RSU1: variants seen among roughly 807,000 people sequenced by gnomAD.
The protein encoded by RSU1 is rsu-1.
A neutral mutation model predicts 31.1 loss-of-function variants in RSU1; 26 were observed. That is an observed-to-expected ratio of 0.84 (90% CI 0.61 to 1.16). The LOEUF is 1.16. Ranked by LOEUF, RSU1 falls within the 50% of genes most tolerant of loss-of-function variation. The probability of loss-of-function intolerance (pLI) is 0.00; values close to 1 mark genes in which losing one functional copy is unlikely to be tolerated. For synonymous variants in RSU1, 164 were observed against 136.3 expected, an observed-to-expected ratio of 1.20 and a Z score of -1.41; for missense variants, 320 against 339.1, an observed-to-expected ratio of 0.94 and a Z score of 0.44.
intron 2 of RSU1, among the ~76,000 whole-genome samples, chr10:16,803,226 A>T (rs7893221): frequency 0.32 from 49,201 of 151,976 alleles, 10,182 homozygotes; most frequent in African/African-American, 0.6. Context: ...ATATAAAAAA[A>T]TAGAATTTTA....
chr10:16,730,863 G>A (rs1372048434), intron 7 of RSU1, among the ~76,000 whole-genome samples: 2 of 151,966 alleles, frequency 1.3e-5, no homozygotes, highest in African/African-American at 4.8e-5. Context: ...TCACTCTGTC[G>A]CCCAGACTGC....
intron 7 of RSU1, among the ~76,000 whole-genome samples, chr10:16,715,835 A>G (rs1447238761): frequency 1.3e-5 from 2 of 152,210 alleles, no homozygotes; most frequent in African/African-American, 4.8e-5. Flanking sequence ...TATTTCTGCA[A>G]AAAACATCAG....
chr10:16,817,005 C>G lies in RSU1; in HGVS notation c.77G>C (p.Gly26Ala), dbSNP rs769119329. 1.2e-6 allele frequency: 2 copies of G among 1,613,942 alleles called. No homozygotes were observed. Among genetic ancestry groups the G allele is most frequent in the African/African-American group, 2.7e-5 (2 of 74,944 alleles). Residue 26 changes from glycine to alanine, a missense_variant, in exon 2 of 9, where the codon GGC (glycine) becomes GCC (alanine). Gly to Ala is a moderately conservative substitution (Grantham distance 60, BLOSUM62 0). Coordinates refer to ENST00000345264, the MANE Select transcript of RSU1 (RefSeq NM_012425.4). Reference sequence around the variant, plus strand: ...GTTGACATCCAGCATGTTGGAGATGCCCCGGTCACTCATGTCCACCTCGGG... The same window carrying G: ...GTTGACATCCAGCATGTTGGAGATGGCCCGGTCACTCATGTCCACCTCGGG... ...NQPEVDMSDR[G>A]ISNMLDVNGL...
chr10:16,700,142 A>G (rs1835759642), intron 7 of RSU1, among the ~76,000 whole-genome samples: 1 of 152,172 alleles, frequency 6.6e-6, no homozygotes, highest in African/African-American at 2.4e-5. Flanking sequence ...ATCCTGAAAC[A>G]TGTGGCTAGC....
At chr10:16,813,779 A>G (rs931781327) in intron 2 of RSU1, among the ~76,000 whole-genome samples, 6 of 152,206 alleles carry the variant, frequency 3.9e-5, no homozygotes, top group Non-Finnish European at 8.8e-5. Context: ...GACTACTAGA[A>G]AACTGTAGAA....
chr10:16,814,836 G>GATAT (rs1554777426), intron 2 of RSU1, among the ~76,000 whole-genome samples: 1 of 151,898 alleles, frequency 6.6e-6, no homozygotes, highest in South Asian at 2.1e-4. Flanking sequence ...GAAGCAAGTG[G>GATAT]CTTTTCTTCC....
chr10:16,750,139 C>A (rs1836945786), intron 7 of RSU1, among the ~76,000 whole-genome samples: 1 of 152,144 alleles, frequency 6.6e-6, no homozygotes, highest in Non-Finnish European at 1.5e-5. Context: ...TTAATAGATA[C>A]TACCTATTAT....
At chr10:16,789,037 A>G (rs1837858037) in intron 2 of RSU1, among the ~76,000 whole-genome samples, 1 of 152,130 alleles carries the variant, frequency 6.6e-6, no homozygotes, top group African/African-American at 2.4e-5. Context: ...ACAAGCAACT[A>G]ATTAGCAAGG....
chr10:16,622,719 G>A (rs570765330), intron 8 of RSU1, among the ~76,000 whole-genome samples: 6 of 152,234 alleles, frequency 3.9e-5, no homozygotes, highest in South Asian at 2.1e-4. Flanking sequence ...GAATCACCAC[G>A]GCCCAGGATC....
chr10:16,609,692 C>G (rs1588672652), intron 8 of RSU1, among the ~76,000 whole-genome samples: 2 of 152,226 alleles, frequency 1.3e-5, no homozygotes, highest in Admixed American at 6.5e-5. Flanking sequence ...CAACAATATT[C>G]TCATGGAAAA....
intron 7 of RSU1, among the ~76,000 whole-genome samples, chr10:16,697,721 G>A (rs946402966): frequency 6.6e-6 from 1 of 151,270 alleles, no homozygotes; most frequent in Non-Finnish European, 1.5e-5. Context: ...AAAAAAAGCA[G>A]CAGAAGCCAT....
intron 8 of RSU1, among the ~76,000 whole-genome samples, chr10:16,657,194 A>T (rs1315837973): frequency 6.6e-6 from 1 of 152,166 alleles, no homozygotes; most frequent in Non-Finnish European, 1.5e-5. Context: ...ATATTGATTC[A>T]GATCTAGTTC....
At chr10:16,785,507 T>TAC (rs1229765603) in intron 2 of RSU1, among the ~76,000 whole-genome samples, 1 of 137,774 alleles carries the variant, frequency 7.3e-6, no homozygotes, top group Non-Finnish European at 1.5e-5. Context: ...TATACACATA[T>TAC]ATACATATAT....
At chr10:16,694,162 T>G (rs963653089) in intron 8 of RSU1, among the ~76,000 whole-genome samples, 1 of 152,186 alleles carries the variant, frequency 6.6e-6, no homozygotes, top group Non-Finnish European at 1.5e-5. Context: ...GTGAGGTTTT[T>G]GGGACAGTTT....
chr10:16,782,204 C>T, intron 2 of RSU1, 120 bp from the exon 3 acceptor site: 1 of 704,216 alleles, frequency 1.4e-6, no homozygotes, highest in Non-Finnish European at 2.4e-6. Flanking sequence ...CACTATCGCT[C>T]ACCAAAATAG....
intron 7 of RSU1, among the ~76,000 whole-genome samples, chr10:16,745,259 C>T (rs1445410329): frequency 2.0e-5 from 3 of 152,140 alleles, no homozygotes; most frequent in African/African-American, 7.2e-5. Context: ...ATTCCTGAAT[C>T]AAGGCTAAAT....
intron 2 of RSU1, among the ~76,000 whole-genome samples, chr10:16,804,061 TTTG>T (rs1256074398): frequency 2.0e-5 from 3 of 152,152 alleles, no homozygotes; most frequent in African/African-American, 4.8e-5. Flanking sequence ...GGAGAAAGTA[TTTG>T]TTAACACACA....
intron 3 of RSU1, among the ~76,000 whole-genome samples, chr10:16,776,106 G>T (rs45491094): frequency 0.17 from 26,080 of 152,220 alleles, 2,261 homozygotes; most frequent in Middle Eastern, 0.22. Flanking sequence ...GGTCTGAGAA[G>T]AGTGGTGAAG....
chr10:16,754,830 G>A (rs1289470819), intron 5 of RSU1, 41 bp downstream of exon 5: 1 of 1,288,912 alleles, frequency 7.8e-7, no homozygotes, highest in Non-Finnish European at 1.1e-6. Context: ...AGAACGCAAA[G>A]TACAAGGTTG....
Sources: gnomAD v4.1 joint callset for allele counts (sites outside exome capture counted in the v4.1 genomes callset) on GRCh38, gnomAD v4.1.1 for gene constraint, MANE v1.5 for transcripts, NCBI Gene and HGNC (gene_info 2026-07-23, HGNC 2026-07-21) for gene names.